The following GPC4 variants were observed in gnomAD, a reference collection of about 807,000 sequenced individuals.
GPC4 encodes the protein glypican 4.
A neutral mutation model predicts 35.0 loss-of-function variants in GPC4; 10 were observed. That is an observed-to-expected ratio of 0.29 (90% CI 0.18 to 0.48). GPC4 has a LOEUF of 0.48. Ranked by LOEUF, GPC4 falls within the 20% of genes least tolerant of loss-of-function variation. The pLI, the probability that GPC4 is intolerant of heterozygous loss-of-function variation, is 0.99. For missense variants in GPC4, 322 were observed against 451.3 expected (o/e 0.71, Z 2.60); for synonymous variants, 167 against 170.2 (o/e 0.98, Z 0.15).
intron 3 of GPC4, among the ~76,000 whole-genome samples, chrX:133,322,845 G>A (rs777827048): frequency 1.8e-5 from 2 of 112,119 alleles, no homozygotes; most frequent in East Asian, 2.8e-4. Context: ...CCCTTTGAGG[G>A]CCTAAAGTTG....
intron 1 of GPC4, among the ~76,000 whole-genome samples, chrX:133,355,512 T>A (rs1045507239): frequency 7.1e-5 from 8 of 112,149 alleles, no homozygotes; most frequent in Admixed American, 2.8e-4. Context: ...TCATGATGCA[T>A]TTTGCTTATT....
At chrX:133,369,131 C>A (rs1360935504) in intron 1 of GPC4, among the ~76,000 whole-genome samples, 1 of 111,234 alleles carries the variant, frequency 9.0e-6, no homozygotes, top group Non-Finnish European at 1.9e-5. Context: ...CTCTTTTAAT[C>A]CCCCCAGAGC....
intron 1 of GPC4, among the ~76,000 whole-genome samples, chrX:133,354,790 G>A (rs1212058958): frequency 9.5e-6 from 1 of 105,390 alleles, no homozygotes; most frequent in Admixed American, 1.0e-4. Context: ...GGATGGTCTC[G>A]ATCTCCTGAC....
In GPC4 at chrX:133,348,860, T is replaced by C. The variant is rs142718342; in HGVS notation, c.161-9519A>G. On this transcript the variant is annotated intron_variant, in intron 1 of 8. Coordinates refer to ENST00000370828, the MANE Select transcript of GPC4 (RefSeq NM_001448.3). ...ACTCTCCTCAAAGTCCTTCTTGTTT[T>C]ATTGGTGAATTTTTCTCATACTCCC... Among the ~76,000 whole-genome samples, 484 of 112,070 alleles carry C rather than the reference T, an allele frequency of 4.3e-3. 4 individuals are homozygous for C. The highest frequency in any genetic ancestry group is 0.015 in the African/African-American group (455 of 30,865).
At chrX:133,381,359 C>T (rs1225806050) in intron 1 of GPC4, among the ~76,000 whole-genome samples, 3 of 112,337 alleles carry the variant, frequency 2.7e-5, no homozygotes, top group Non-Finnish European at 5.6e-5. Flanking sequence ...TTTCCTTATG[C>T]GTGAGCTTGT....
chrX:133,380,467 C>T (rs2068655746), intron 1 of GPC4, among the ~76,000 whole-genome samples: 1 of 108,833 alleles, frequency 9.2e-6, no homozygotes, highest in South Asian at 4.1e-4. Flanking sequence ...AATATAGCCC[C>T]TCTGAATCCA....
chrX:133,380,313 G>A (rs757787035), intron 1 of GPC4, among the ~76,000 whole-genome samples: 1 of 109,783 alleles, frequency 9.1e-6, no homozygotes, highest in East Asian at 2.9e-4. Flanking sequence ...CTCCAGCCTG[G>A]GCGACAGATC....
intron 1 of GPC4, among the ~76,000 whole-genome samples, chrX:133,347,952 T>G (rs1376768907): frequency 1.8e-5 from 2 of 112,354 alleles, no homozygotes; most frequent in Non-Finnish European, 3.8e-5. Flanking sequence ...TGCCAATTAT[T>G]TCTAGGTCCA....
intron 1 of GPC4, among the ~76,000 whole-genome samples, chrX:133,339,701 A>C (rs1057085437): frequency 4.4e-5 from 5 of 112,491 alleles, no homozygotes; most frequent in Middle Eastern, 4.7e-3. Flanking sequence ...AACGAGACAC[A>C]GTTTTTCCAG....
Position 133,373,769 on chromosome X carries a change from A to G in GPC4, c.161-34428T>C, listed in dbSNP as rs913180649. Among the ~76,000 whole-genome samples the G allele has an allele frequency of 2.4e-4, 27 of 112,160 alleles. 1 individual carries two copies. Among genetic ancestry groups the G allele is most frequent in the Middle Eastern group, 8.3e-3 (2 of 240 alleles). On this transcript the variant is annotated intron_variant, in intron 1 of 8. Coordinates refer to ENST00000370828, the MANE Select transcript of GPC4 (RefSeq NM_001448.3). ...GTAAACTATCTCCAACTTTGACACT[A>G]AAGTAATTAGTGACATGTCAAATTA... is the stretch of plus-strand genomic sequence containing the variant.
At chrX:133,346,174 TGCAGAAAAAGGGGGAAG>T (rs2068490541) in intron 1 of GPC4, among the ~76,000 whole-genome samples, 1 of 111,542 alleles carries the variant, frequency 9.0e-6, no homozygotes, top group Non-Finnish European at 1.9e-5. Flanking sequence ...CCTCCTGCCA[TGCAGAAAAAGGGGGAAG>T]GCGGGGCGGG....
Position 133,347,248 on chromosome X carries a change from GTTTTTTTT to G in GPC4, c.161-7915_161-7908del, listed in dbSNP as rs763800349. 7.1e-4 allele frequency among the ~76,000 whole-genome samples: 18 copies of G among 25,426 alleles called. No individual in the cohort carries two copies. The East Asian group carries it at 7.3e-3, about 10-fold the overall frequency. The allele number at this position is 25,426 out of a possible 115,157, so 22.1% of individuals were successfully genotyped here. A position where few individuals can be genotyped will look rare whatever the true frequency, so the allele number is the denominator to read the frequency against. On this transcript the variant is annotated intron_variant, in intron 1 of 8. Transcript: ENST00000370828. ...TAAATCTAAAACTCTTCTATTAGAAGTTTTTTTTTTTTTTTTTTTTTTTTTTTTTTTTA... is the reference window on the plus strand; with the variant it reads ...TAAATCTAAAACTCTTCTATTAGAAGTTTTTTTTTTTTTTTTTTTTTTTTA...
chrX:133,389,552 G>T (rs777298598), intron 1 of GPC4, among the ~76,000 whole-genome samples: 1 of 111,649 alleles, frequency 9.0e-6, no homozygotes, highest in South Asian at 3.8e-4. Flanking sequence ...CAAAATTTAG[G>T]CTAAAGGAAG....
intron 1 of GPC4, among the ~76,000 whole-genome samples, chrX:133,384,258 A>G (rs937392619): frequency 1.8e-5 from 2 of 111,583 alleles, no homozygotes; most frequent in South Asian, 3.8e-4. Context: ...TCAAAAGTTA[A>G]TAAGTTTTAA....
intron 2 of GPC4, among the ~76,000 whole-genome samples, chrX:133,328,408 AAAG>A (rs748164559): frequency 2.1e-4 from 23 of 111,680 alleles, no homozygotes; most frequent in African/African-American, 7.1e-4. Flanking sequence ...TTGCTATTAG[AAAG>A]AAGGAGAAAA....
chrX:133,318,748 GA>G (rs1179271840), intron 3 of GPC4, among the ~76,000 whole-genome samples: 1 of 112,325 alleles, frequency 8.9e-6, no homozygotes, highest in African/African-American at 3.2e-5. Context: ...AGGTAAATAA[GA>G]AATGTATCAT....
At chrX:133,414,493 G>C (rs1424722338) in intron 1 of GPC4, 27 of 751,418 alleles carry the variant, frequency 3.6e-5, no homozygotes, top group Non-Finnish European at 4.1e-5. Flanking sequence ...GGGGCTTCCC[G>C]GGACGGCGAA....
At chrX:133,334,094 G>A (rs747498909) in intron 2 of GPC4, among the ~76,000 whole-genome samples, 5 of 112,148 alleles carry the variant, frequency 4.5e-5, no homozygotes, top group Admixed American at 1.9e-4. Context: ...GTCTTTTAAG[G>A]TTAGCAGATA....
At chrX:133,307,317 T>TCAG (rs1771690983) in intron 4 of GPC4, among the ~76,000 whole-genome samples, 1 of 112,195 alleles carries the variant, frequency 8.9e-6, no homozygotes, top group South Asian at 3.7e-4. Context: ...AGCATAGGCA[T>TCAG]CAGCATATCA....
Sources: allele counts gnomAD v4.1 joint callset (sites outside exome capture counted in the v4.1 genomes callset), GRCh38; gene constraint gnomAD v4.1.1; transcripts MANE v1.5; gene names NCBI Gene and HGNC (gene_info 2026-07-23, HGNC 2026-07-21).